EHD2: variants seen among roughly 807,000 people sequenced by gnomAD.
EHD2 encodes EH domain-containing protein 2.
EHD2 carries 27 observed loss-of-function variants against 41.0 expected under a neutral mutation model. The ratio of observed to expected loss-of-function variants is 0.66; its 90% CI spans 0.49 to 0.91. EHD2 has a LOEUF of 0.91. Among genes scored for constraint, EHD2 ranks in the 40% least tolerant of loss-of-function variants. EHD2 has a pLI of 0.00. For synonymous variants in EHD2, 342 were observed against 341.0 expected, an observed-to-expected ratio of 1.00 and a Z score of -0.03; for missense variants, 673 against 773.9, an observed-to-expected ratio of 0.87 and a Z score of 1.55.
Position 47,717,006 on chromosome 19 carries a change from T to C in EHD2, c.394T>C (p.Phe132Leu). The change falls in exon 2 of 6, where the codon TTC (phenylalanine) becomes CTC (leucine). Residue 132 changes from phenylalanine (F) to leucine (L), a missense_variant. Phe to Leu is a conservative substitution (Grantham distance 22). Coordinates refer to ENST00000263277, the MANE Select transcript of EHD2 (RefSeq NM_014601.4). ...CAAACTCAACCCTTTCGGAAACACCTTCCTCAACAGGTGTGCCAGCCGCGA... is the reference window on the plus strand; with the variant it reads ...CAAACTCAACCCTTTCGGAAACACCCTCCTCAACAGGTGTGCCAGCCGCGA... Reference protein sequence around the residue: ...FRKLNPFGNTFLNRFMCAQLP... With the variant: ...FRKLNPFGNTLLNRFMCAQLP... 6.2e-7 allele frequency: 1 copy of C among 1,600,152 alleles called. No homozygotes were observed. The highest frequency in any genetic ancestry group is 8.5e-7 in the Non-Finnish European group (1 of 1,179,904).
At chr19:47,723,648 C>T (rs1339058591) in intron 3 of EHD2, among the ~76,000 whole-genome samples, 4 of 108,332 alleles carry the variant, frequency 3.7e-5, no homozygotes, top group Admixed American at 1.1e-4. Flanking sequence ...AGCGAGACTC[C>T]GTCTGAAAAA....
In EHD2 at chr19:47,716,866, G is replaced by T; in HGVS notation, c.254G>T (p.Gly85Val). Residue 85 changes from glycine to valine, a missense_variant, in exon 2 of 6, where the codon GGC becomes GTC. Gly to Val is a moderately radical substitution (Grantham distance 109, BLOSUM62 -3). Coordinates refer to ENST00000263277, the MANE Select transcript of EHD2 (RefSeq NM_014601.4). ...TACCTGCTGGAGCAGGAGGTGCCCGGCTCCCGCGTGGGGCCTGAGCCCACC... is the reference window on the plus strand; with the variant it reads ...TACCTGCTGGAGCAGGAGGTGCCCGTCTCCCGCGTGGGGCCTGAGCCCACC... ...IQYLLEQEVP[G>V]SRVGPEPTTD... is the part of the protein sequence containing the mutation. 7 of 1,611,514 alleles carry T rather than the reference G, an allele frequency of 4.3e-6. No homozygotes were observed. The highest frequency in any genetic ancestry group is 5.9e-6 in the Non-Finnish European group (7 of 1,178,904).
chr19:47,725,760 T>C (rs1599893185), intron 3 of EHD2, 52 bp from the exon 4 acceptor site: 1 of 1,528,824 alleles, frequency 6.5e-7, no homozygotes, highest in Admixed American at 2.0e-5. Context: ...GGCTGGAGGG[T>C]GGGGGTCTGA....
At chr19:47,714,452 C>T (rs1021248749) in intron 1 of EHD2, among the ~76,000 whole-genome samples, 1 of 151,896 alleles carries the variant, frequency 6.6e-6, no homozygotes, top group African/African-American at 2.4e-5. Context: ...AAAGCAAATA[C>T]CCACACCTGT....
chr19:47,715,683 C>A lies in EHD2; in HGVS notation c.-55-875C>A, dbSNP rs193193687. ...TTCCAGGCAGCTTCTGCATCCTTCG[C>A]CTTGTCCATCTCTTGGTCTTCCACT... On this transcript the variant is annotated intron_variant, in intron 1 of 5. Transcript: ENST00000263277. Among the ~76,000 whole-genome samples, 43 of 152,260 alleles carry A rather than the reference C, an allele frequency of 2.8e-4. 1 individual carries two copies. Among genetic ancestry groups the A allele is most frequent in the Non-Finnish European group, 5.6e-4 (38 of 68,022 alleles).
chr19:47,731,279 A>AAAAAAAAAAAAAAATAT, intron 4 of EHD2: 1 of 60,928 alleles, frequency 1.6e-5, no homozygotes, highest in African/African-American at 4.9e-5. Context: ...AAAAAAAAAA[A>AAAAAAAAAAAAAAATAT]ATATATATAT....
At chr19:47,731,279 A>AAAAATATATAT in intron 4 of EHD2, 32 of 60,914 alleles carry the variant, frequency 5.3e-4, no homozygotes, top group African/African-American at 1.5e-3. Flanking sequence ...AAAAAAAAAA[A>AAAAATATATAT]ATATATATAT....
chr19:47,741,824 TC>T lies in EHD2; in HGVS notation c.*395del. 1 of 474,178 alleles carries T rather than the reference TC, an allele frequency of 2.1e-6. No homozygotes were observed. The highest frequency in any genetic ancestry group is 4.2e-6 in the Non-Finnish European group (1 of 239,122). The allele number at this position is 474,178 out of a possible 1,614,324, so 29.4% of individuals were successfully genotyped here. Reference sequence around the variant, plus strand: ...CATCTGCCCTCATGGAAGGTGACGTTCCCAGGAGAGGGCACCTACACAGTCA... The same window carrying T: ...CATCTGCCCTCATGGAAGGTGACGTTCCAGGAGAGGGCACCTACACAGTCA... On this transcript the variant is annotated 3_prime_UTR_variant, in exon 6 of 6. Transcript: ENST00000263277. The surrounding 1 kb of genome is among the most constrained non-coding windows in gnomAD (Gnocchi z 4.5).
chr19:47,736,065 G>A (rs567588718), intron 4 of EHD2, among the ~76,000 whole-genome samples: 169 of 152,128 alleles, frequency 1.1e-3, no homozygotes, highest in Middle Eastern at 3.4e-3. Flanking sequence ...GCATAGTGGC[G>A]CATGCCTGTA....
intron 5 of EHD2, among the ~76,000 whole-genome samples, chr19:47,737,486 G>A (rs1380931666): frequency 6.6e-6 from 1 of 150,964 alleles, no homozygotes; most frequent in Non-Finnish European, 1.5e-5. Context: ...GTGAAACCCC[G>A]TCTGTACTAA....
rs1033923071 is a variant in EHD2, at chr19:47,734,824, G to T, written c.916-1545G>T. On this transcript the variant is annotated intron_variant, in intron 4 of 5. Coordinates refer to ENST00000263277, the MANE Select transcript of EHD2 (RefSeq NM_014601.4). ...TCCCAGCACTTTGGGAGGCCGAGGC[G>T]GGTGGATCTCTTGAGGTCAGGGGTT... 2.0e-5 allele frequency among the ~76,000 whole-genome samples: 3 copies of T among 151,814 alleles called. No individual in the cohort carries two copies. The East Asian group carries it at 5.8e-4, about 30-fold the overall frequency.
intron 1 of EHD2, 103 bp from the exon 2 acceptor site, chr19:47,716,449 GCTCCTC>G (rs560345686): frequency 2.9e-6 from 2 of 682,586 alleles, no homozygotes; most frequent in Non-Finnish European, 4.6e-6. Context: ...AAATATCTGT[GCTCCTC>G]CTCCTCCTCC....
chr19:47,715,665 C>G (rs982312994), intron 1 of EHD2, among the ~76,000 whole-genome samples: 2 of 152,182 alleles, frequency 1.3e-5, no homozygotes, highest in Non-Finnish European at 2.9e-5. Flanking sequence ...TTCTTCCAGG[C>G]AGCTTCTGCA....
rs1207065276 is a variant in EHD2 at position 47,725,837 on chromosome 19, C to G, written c.528C>G (p.Arg176=). 3 of 1,596,168 alleles carry G rather than the reference C, an allele frequency of 1.9e-6. No homozygotes were observed. Among genetic ancestry groups the G allele is most frequent in the Admixed American group, 1.7e-5 (1 of 59,330 alleles). Residue 176 remains arginine, a synonymous_variant, in exon 4 of 6, where the codon CGC becomes CGG. Transcript: ENST00000263277. ...SRGYDFPAVL[R]WFAERVDLII... ...GCTACGACTTCCCGGCCGTGCTGCG[C>G]TGGTTCGCGGAGCGCGTGGACCTCA...
chr19:47,735,598 C>CA (rs111442294), intron 4 of EHD2, among the ~76,000 whole-genome samples: 8,605 of 139,622 alleles, frequency 0.062, 835 homozygotes, highest in African/African-American at 0.21. Flanking sequence ...ACCCTGTCTC[C>CA]AAAAAAAAAA....
At chr19:47,714,893 C>T (rs913866232) in intron 1 of EHD2, among the ~76,000 whole-genome samples, 13 of 151,854 alleles carry the variant, frequency 8.6e-5, no homozygotes, top group African/African-American at 2.9e-4. Flanking sequence ...AAAAAATTAA[C>T]TGGGTGTGGT....
intron 4 of EHD2, among the ~76,000 whole-genome samples, chr19:47,727,776 G>A (rs1268511511): frequency 6.7e-6 from 1 of 150,028 alleles, no homozygotes; most frequent in Non-Finnish European, 1.5e-5. Context: ...GATGGAGGGA[G>A]ACAGAATAAG....
intron 3 of EHD2, among the ~76,000 whole-genome samples, chr19:47,725,061 C>T (rs1160227466): frequency 6.9e-6 from 1 of 144,636 alleles, no homozygotes; most frequent in African/African-American, 2.5e-5. Context: ...CCAGCATGAA[C>T]TCTAGTTGCT....
At chr19:47,727,797 T>C (rs972328616) in intron 4 of EHD2, among the ~76,000 whole-genome samples, 2 of 143,312 alleles carry the variant, frequency 1.4e-5, no homozygotes, top group African/African-American at 2.6e-5. Flanking sequence ...TAAACAGACA[T>C]AAAATAACAA....
Sources: gnomAD v4.1 joint callset for allele counts (sites outside exome capture counted in the v4.1 genomes callset) on GRCh38, gnomAD v4.1.1 for gene constraint, Gnocchi (gnomAD v3.1) non-coding constraint, MANE v1.5 for transcripts, NCBI Gene and HGNC (gene_info 2026-07-23, HGNC 2026-07-21) for gene names.